Variants in FOXP2 observed in about 807,000 individuals in gnomAD.
The protein encoded by FOXP2 is forkhead box protein P2.
In FOXP2, 12 loss-of-function variants were observed where a neutral mutation model predicts 115.8. The ratio of observed to expected loss-of-function variants is 0.10; its 90% CI spans 0.07 to 0.17. The LOEUF (loss-of-function observed/expected upper bound fraction) is 0.17, where lower values mean the gene tolerates loss of function less well. Ranked by LOEUF, FOXP2 falls within the 10% of genes least tolerant of loss-of-function variation. The pLI, the probability that FOXP2 is intolerant of heterozygous loss-of-function variation, is 1.00. For missense variants in FOXP2, 629 were observed against 843.5 expected (o/e 0.75, Z 3.15); for synonymous variants, 328 against 297.7 (o/e 1.10, Z -1.05).
intron 1 of FOXP2, among the ~76,000 whole-genome samples, chr7:114,210,735 C>T (rs538295696): frequency 4.6e-5 from 7 of 152,222 alleles, no homozygotes; most frequent in African/African-American, 1.7e-4. Context: ...TCTCCAAAGC[C>T]AGCAGGCTAG....
At chr7:114,176,486 C>T (rs975637945) in intron 1 of FOXP2, among the ~76,000 whole-genome samples, 3 of 151,512 alleles carry the variant, frequency 2.0e-5, no homozygotes, top group African/African-American at 4.9e-5. Flanking sequence ...ACTACAGGCG[C>T]GCACCACCAC....
chr7:114,102,841 G>A (rs1791023579), intron 1 of FOXP2, among the ~76,000 whole-genome samples: 1 of 151,782 alleles, frequency 6.6e-6, no homozygotes, highest in Admixed American at 6.6e-5. Context: ...ACATTAACAT[G>A]GACTTCCAAA....
chr7:114,607,410 G>A (rs1363720209), intron 3 of FOXP2, among the ~76,000 whole-genome samples: 1 of 152,040 alleles, frequency 6.6e-6, no homozygotes, highest in Non-Finnish European at 1.5e-5. Context: ...ATATTCAATA[G>A]GATTCAAGAA....
intron 16 of FOXP2, among the ~76,000 whole-genome samples, chr7:114,685,535 G>T (rs1365524695): frequency 6.6e-6 from 1 of 152,062 alleles, no homozygotes; most frequent in Non-Finnish European, 1.5e-5. Context: ...ATAATTTCAT[G>T]ATTTACCCCA....
chr7:114,394,548 G>A (rs750846780), intron 2 of FOXP2, among the ~76,000 whole-genome samples: 3 of 152,078 alleles, frequency 2.0e-5, no homozygotes, highest in Non-Finnish European at 2.9e-5. Flanking sequence ...AGTAACTGCA[G>A]TGGAGAAGCC....
intron 2 of FOXP2, among the ~76,000 whole-genome samples, chr7:114,407,136 T>C (rs748053795): frequency 1.3e-5 from 2 of 151,964 alleles, no homozygotes; most frequent in African/African-American, 4.8e-5. Context: ...CAAAGGAAGA[T>C]AAAGTGTGAA....
At chr7:114,648,841 A>G (rs1375045630) in intron 8 of FOXP2, among the ~76,000 whole-genome samples, 1 of 152,004 alleles carries the variant, frequency 6.6e-6, no homozygotes, top group Non-Finnish European at 1.5e-5. Context: ...GGCTCACACA[A>G]TGTTTGTTCA....
intron 3 of FOXP2, among the ~76,000 whole-genome samples, chr7:114,626,137 C>T (rs901643075): frequency 6.6e-6 from 1 of 151,722 alleles, no homozygotes; most frequent in Admixed American, 6.6e-5. Flanking sequence ...TATGTCATAA[C>T]TATTAATTGA....
At chr7:114,469,129 T>G (rs552702936) in intron 2 of FOXP2, among the ~76,000 whole-genome samples, 5 of 152,278 alleles carry the variant, frequency 3.3e-5, no homozygotes, top group Admixed American at 6.5e-5. Context: ...TCAAATGCCC[T>G]GAGAGAATCA....
At chr7:114,320,059 T>C (rs1233285517) in intron 2 of FOXP2, among the ~76,000 whole-genome samples, 1 of 152,046 alleles carries the variant, frequency 6.6e-6, no homozygotes, top group African/African-American at 2.4e-5. Context: ...TCCTGTTCAG[T>C]AGAAGAATGA....
upstream of FOXP2, among the ~76,000 whole-genome samples, chr7:114,086,772 G>T (rs916913161): frequency 6.6e-6 from 1 of 152,234 alleles, no homozygotes; most frequent in African/African-American, 2.4e-5. Flanking sequence ...TTGCCGGGGC[G>T]AGTGTGACAT....
intron 2 of FOXP2, among the ~76,000 whole-genome samples, chr7:114,364,750 A>T (rs1584668371): frequency 6.6e-6 from 1 of 152,158 alleles, no homozygotes; most frequent in Non-Finnish European, 1.5e-5. Flanking sequence ...ATGGGCAAAA[A>T]TCACATGATT....
chr7:114,654,051 A>G (rs770837684), intron 10 of FOXP2, 42 bp downstream of exon 10: 3 of 1,612,578 alleles, frequency 1.9e-6, no homozygotes, highest in Non-Finnish European at 2.5e-6. Context: ...AGCTCTACCA[A>G]TGTAACAGAC....
At chr7:114,268,522 A>C (rs1000678164) in intron 1 of FOXP2, among the ~76,000 whole-genome samples, 4 of 152,172 alleles carry the variant, frequency 2.6e-5, no homozygotes, top group African/African-American at 9.7e-5. Context: ...GGAAAGATAG[A>C]GTATGTTGTA....
intron 1 of FOXP2, among the ~76,000 whole-genome samples, chr7:114,110,090 ACAG>A (rs1791229909): frequency 6.6e-6 from 1 of 152,112 alleles, no homozygotes; most frequent in East Asian, 1.9e-4. Flanking sequence ...CCACCTATTC[ACAG>A]AGCAACATCT....
intron 1 of FOXP2, among the ~76,000 whole-genome samples, chr7:114,256,974 C>G (rs1360137289): frequency 1.3e-5 from 2 of 152,120 alleles, no homozygotes; most frequent in Admixed American, 1.3e-4. Context: ...CCAAAAGGAG[C>G]CCACATAGCC....
chr7:114,410,220 C>T (rs1330604732), upstream of FOXP2, among the ~76,000 whole-genome samples: 1 of 152,070 alleles, frequency 6.6e-6, no homozygotes, highest in Non-Finnish European at 1.5e-5. Flanking sequence ...GGGTTAGATA[C>T]ATATCTGTAG....
intron 16 of FOXP2, chr7:114,668,762 A>G (rs1391211332): frequency 6.6e-6 from 1 of 152,182 alleles, no homozygotes. Flanking sequence ...TTTTAGACAA[A>G]TTATAGTATA....
intron 2 of FOXP2, among the ~76,000 whole-genome samples, chr7:114,507,143 A>G (rs1462935633): frequency 6.6e-6 from 1 of 151,762 alleles, no homozygotes; most frequent in African/African-American, 2.4e-5. Context: ...CTGAAATTAG[A>G]TTCTTACCCC....
Sources: gnomAD v4.1 joint callset for allele counts (sites outside exome capture counted in the v4.1 genomes callset) on GRCh38, gnomAD v4.1.1 for gene constraint, MANE v1.5 for transcripts, NCBI Gene and HGNC (gene_info 2026-07-23, HGNC 2026-07-21) for gene names.